KCTD15: variants seen among roughly 807,000 people sequenced by gnomAD.
The protein encoded by KCTD15 is potassium channel tetramerization domain containing 15, also known as BTB/POZ domain-containing protein KCTD15.
A neutral mutation model predicts 27.2 loss-of-function variants in KCTD15; 11 were observed. The ratio of observed to expected loss-of-function variants is 0.41; its 90% CI spans 0.25 to 0.67. The LOEUF (loss-of-function observed/expected upper bound fraction) is 0.67. KCTD15 is among the 30% of genes least tolerant of loss of function. The pLI is 0.35. For synonymous variants in KCTD15, 163 were observed against 176.0 expected (o/e 0.93, Z 0.58); for missense variants, 350 against 409.3 (o/e 0.86, Z 1.25).
chr19:33,800,476 C>CCGAG lies in KCTD15; in HGVS notation c.25_28dup (p.Gly10GlufsTer71). On this transcript the variant is annotated frameshift_variant, in exon 3 of 7. Coordinates refer to ENST00000683859, the MANE Select transcript of KCTD15 (RefSeq NM_001129994.2). LOFTEE classifies it high-confidence loss of function. ...CTAGATGCCTCACCGCAAGGAGCGG[C>CCGAG]CGAGCGGGTCCTCGCTTCACACACA... The CCGAG allele has an allele frequency of 6.2e-7, 1 of 1,605,670 alleles. No homozygotes were observed. The highest frequency in any genetic ancestry group is 1.1e-5 in the South Asian group (1 of 88,834).
At chr19:33,797,989 C>T (rs1975400004) in intron 1 of KCTD15, among the ~76,000 whole-genome samples, 2 of 152,112 alleles carry the variant, frequency 1.3e-5, no homozygotes, top group South Asian at 4.1e-4. Context: ...GCTTCGGGTG[C>T]CGCGGCCACC....
chr19:33,794,638 G>A (rs377092450), upstream of KCTD15, among the ~76,000 whole-genome samples: 6 of 152,118 alleles, frequency 3.9e-5, no homozygotes, highest in East Asian at 3.9e-4. Flanking sequence ...GGCCTGGGGC[G>A]GGGGAGGACG....
upstream of KCTD15, chr19:33,796,139 C>G (rs1975311434): frequency 6.6e-6 from 1 of 151,674 alleles, no homozygotes; most frequent in African/African-American, 2.4e-5. Context: ...ATTTGGGAGC[C>G]GAAAATTTAT....
At chr19:33,797,615 C>CGGTG (rs1333468793) in intron 1 of KCTD15, among the ~76,000 whole-genome samples, 1 of 152,070 alleles carries the variant, frequency 6.6e-6, no homozygotes, top group Non-Finnish European at 1.5e-5. Context: ...GCTGCCCGCC[C>CGGTG]GCACCCCCTG....
chr19:33,800,351 A>C (rs186087226), intron 2 of KCTD15, 77 bp from the exon 3 acceptor site: 1 of 1,225,826 alleles, frequency 8.2e-7, no homozygotes, highest in African/African-American at 1.5e-5. Context: ...AGAAAGGACA[A>C]TTCTAAGTGT....
Position 33,812,949 on chromosome 19 carries a change from GC to G in KCTD15, c.*4del. The G allele has an allele frequency of 6.5e-7, 1 of 1,543,612 alleles. No homozygotes were observed. Among genetic ancestry groups the G allele is most frequent in the Non-Finnish European group, 8.7e-7 (1 of 1,145,054 alleles). ...AATCAAGCAGGAACCCCTGGACTAG[GC>G]CCTGCTTCAGTGCCCACCTGGGCCC... On this transcript the variant is annotated 3_prime_UTR_variant, in exon 7 of 7. Transcript: ENST00000683859.
intron 5 of KCTD15, 120 bp from the exon 6 acceptor site, chr19:33,811,127 A>G: frequency 1.2e-6 from 1 of 826,852 alleles, no homozygotes. Context: ...TCCACACAAT[A>G]CCCTGCGAGT....
intron 3 of KCTD15, 134 bp from the exon 4 acceptor site, chr19:33,801,033 A>C: frequency 1.3e-6 from 1 of 786,288 alleles, no homozygotes; most frequent in East Asian, 2.6e-5. Flanking sequence ...TGAATATATG[A>C]TCAGGCACGG....
chr19:33,798,007 G>A (rs573425839), intron 1 of KCTD15, among the ~76,000 whole-genome samples: 8 of 152,198 alleles, frequency 5.3e-5, no homozygotes, highest in Admixed American at 3.3e-4. Flanking sequence ...ACCCCGCCCC[G>A]CGGCGCCTCC....
chr19:33,803,604 T>G (rs1489176005), intron 4 of KCTD15, among the ~76,000 whole-genome samples: 1 of 151,936 alleles, frequency 6.6e-6, no homozygotes, highest in Non-Finnish European at 1.5e-5. Flanking sequence ...TCCTCTGGTC[T>G]GCCTAGGAGC....
chr19:33,811,871 C>T, intron 6 of KCTD15: 1 of 1,597,714 alleles, frequency 6.3e-7, no homozygotes, highest in African/African-American at 1.4e-5. Flanking sequence ...TGGATTCGAA[C>T]TAAACCCAGG....
chr19:33,808,217 C>G (rs1203847560), intron 5 of KCTD15, among the ~76,000 whole-genome samples: 2 of 152,220 alleles, frequency 1.3e-5, no homozygotes, highest in African/African-American at 2.4e-5. Flanking sequence ...CTTCCTCTAT[C>G]CAGAGGACCA....
Position 33,813,508 on chromosome 19 carries a change from C to G in KCTD15, c.*560C>G. On this transcript the variant is annotated 3_prime_UTR_variant, in exon 7 of 7. Transcript: ENST00000683859. ...GCTGCCTGGCATTCAGGCCCAGATG[C>G]CTGCAGGGCTGGGGCTCTCGGGACA... 4.8e-6 allele frequency: 2 copies of G among 420,680 alleles called. No homozygotes were observed. The highest frequency in any genetic ancestry group is 2.0e-5 in the African/African-American group (1 of 49,098). The allele number at this position is 420,680 out of a possible 1,614,324, so 26.1% of individuals were successfully genotyped here. A position where few individuals can be genotyped will look rare whatever the true frequency, so the allele number is the denominator to read the frequency against.
At chr19:33,811,177 TCCCCTCTCCCCCTTC>T in intron 5 of KCTD15, 55 bp from the exon 6 acceptor site, 11 of 786,070 alleles carry the variant, frequency 1.4e-5, no homozygotes, top group East Asian at 3.3e-5. Context: ...GCAGGCCGCC[TCCCCTCTCCCCCTTC>T]CCCCACCACC....
chr19:33,799,052 C>T (rs1266660116), intron 2 of KCTD15, among the ~76,000 whole-genome samples: 1 of 152,096 alleles, frequency 6.6e-6, no homozygotes, highest in African/African-American at 2.4e-5. Context: ...CTCAGAACTC[C>T]TTGAGCTAAG....
chr19:33,796,518 C>T (rs1469004565), upstream of KCTD15: 2 of 150,168 alleles, frequency 1.3e-5, no homozygotes, highest in African/African-American at 2.4e-5. Flanking sequence ...CGCGCCCGTT[C>T]GCGCTGGGTA....
intron 6 of KCTD15, 140 bp downstream of exon 6, chr19:33,811,692 G>A: frequency 6.6e-7 from 1 of 1,520,800 alleles, no homozygotes; most frequent in Non-Finnish European, 9.0e-7. Context: ...GCAACAATGT[G>A]TCGATGCATA....
chr19:33,800,552 G>C, intron 3 of KCTD15, 32 bp downstream of exon 3: 2 of 1,556,160 alleles, frequency 1.3e-6, no homozygotes, highest in South Asian at 1.2e-5. Context: ...GGTCCCTGCC[G>C]GGAGTTCCCT....
At chr19:33,797,622 CCT>C (rs1975382352) in intron 1 of KCTD15, among the ~76,000 whole-genome samples, 1 of 152,104 alleles carries the variant, frequency 6.6e-6, no homozygotes, top group Admixed American at 6.5e-5. Context: ...GCCCGCACCC[CCT>C]GACCTGGACG....
Sources: gnomAD v4.1 joint callset for allele counts (sites outside exome capture counted in the v4.1 genomes callset) on GRCh38, gnomAD v4.1.1 for gene constraint, MANE v1.5 for transcripts, NCBI Gene and HGNC (gene_info 2026-07-23, HGNC 2026-07-21) for gene names.